The following FCRL5 variants were observed in gnomAD, a reference collection of about 807,000 sequenced individuals.
FCRL5 encodes the protein Fc receptor-like protein 5.
FCRL5 carries 79 observed loss-of-function variants against 92.1 expected under a neutral mutation model. The observed-to-expected ratio is 0.86, with a 90% CI of 0.72 to 1.03. The LOEUF is 1.03. Among genes scored for constraint, FCRL5 ranks in the 50% least tolerant of loss-of-function variants. The pLI, the probability that FCRL5 is intolerant of heterozygous loss-of-function variation, is 0.00. For synonymous variants in FCRL5, 466 were observed against 469.3 expected, an observed-to-expected ratio of 0.99 and a Z score of 0.09; for missense variants, 1,160 against 1,181.1, an observed-to-expected ratio of 0.98 and a Z score of 0.26.
Position 157,520,552 on chromosome 1 carries a change from G to A in FCRL5, c.2516-5C>T, listed in dbSNP as rs1448917785. ...CACTTCTGTTCGCGGTCAGCCCTGA[G>A]GGGGAGACCCTGTGTGTGAGCCAGA... On this transcript the variant is annotated splice_region_variant and splice_polypyrimidine_tract_variant and intron_variant, in intron 11 of 16. Transcript: ENST00000361835. The A allele has an allele frequency of 1.9e-6, 3 of 1,580,568 alleles. No individual in the cohort carries two copies. Among genetic ancestry groups the A allele is most frequent in the African/African-American group, 1.3e-5 (1 of 74,128 alleles).
intron 8 of FCRL5, among the ~76,000 whole-genome samples, chr1:157,529,910 C>T (rs1028870041): frequency 5.3e-5 from 8 of 152,106 alleles, no homozygotes; most frequent in Non-Finnish European, 1.0e-4. Context: ...GAAATTACTA[C>T]TAAAGAAGTT....
rs763282393 is a variant in FCRL5 at position 157,527,759 on chromosome 1, G to A, written c.1818C>T (p.Thr606=). Residue 606 remains threonine (T), a synonymous_variant, in exon 9 of 17, where the codon ACC becomes ACT. Coordinates refer to ENST00000361835, the MANE Select transcript of FCRL5 (RefSeq NM_031281.3). ...CAGAGGGGGCTGAGCTGCTCCCCAG[G>A]GTGACATCCTCATGATAAAACCAGT... The part of the protein sequence containing the change: ...ILYWFYHEDV[T]LGSSSAPSGG... 2.5e-6 allele frequency: 4 copies of A among 1,614,174 alleles called. No homozygotes were observed. The South Asian group carries it at 3.3e-5, about 13-fold the overall frequency.
chr1:157,545,522 GTTTTTTTTTT>G (rs754972248), intron 3 of FCRL5, among the ~76,000 whole-genome samples: 4 of 84,940 alleles, frequency 4.7e-5, no homozygotes, highest in South Asian at 4.4e-4. Context: ...TCTTTAATGA[GTTTTTTTTTT>G]TTTTTTTTTT....
intron 8 of FCRL5, chr1:157,528,442 T>C (rs1650539128): frequency 6.6e-6 from 1 of 151,978 alleles, no homozygotes; most frequent in East Asian, 1.9e-4. Context: ...CCATAATTCT[T>C]CACAGAACTA....
Position 157,520,480 on chromosome 1 carries a change from G to T in FCRL5, c.2583C>A (p.Gly861=), listed in dbSNP as rs182553175. Residue 861 remains glycine (G), a synonymous_variant, in exon 12 of 17, where the codon GGC becomes GGA. Coordinates refer to ENST00000361835, the MANE Select transcript of FCRL5 (RefSeq NM_031281.3). ...AGAGCAGCAGTGCCCCCGCAGCAAG[G>T]CCTGCTATGCTGAGCAGGCCCCCGG... ...GVAGGLLSIA[G]LAAGALLLYC... 5.7e-6 allele frequency: 9 copies of T among 1,575,016 alleles called. No homozygotes were observed. Among genetic ancestry groups the T allele is most frequent in the Admixed American group, 3.7e-5 (2 of 54,500 alleles).
intron 8 of FCRL5, chr1:157,534,392 T>A (rs1418043212): frequency 1.4e-6 from 1 of 719,598 alleles, no homozygotes; most frequent in Non-Finnish European, 2.6e-6. Context: ...AATAAATAAA[T>A]TCATTTGGTA....
chr1:157,524,592 C>T (rs1558129455), intron 9 of FCRL5, 35 bp from the exon 10 acceptor site: 1 of 1,535,642 alleles, frequency 6.5e-7, no homozygotes, highest in Non-Finnish European at 8.8e-7. Context: ...TCAGCTGCTT[C>T]TGCTAAAATA....
chr1:157,521,679 G>A (rs1427529240), intron 10 of FCRL5: 6 of 156,424 alleles, frequency 3.8e-5, no homozygotes, highest in African/African-American at 7.2e-5. Context: ...TATGCCCTTG[G>A]TGGTAATACA....
At chr1:157,535,578 C>T (rs1437633190) in intron 7 of FCRL5, among the ~76,000 whole-genome samples, 2 of 151,930 alleles carry the variant, frequency 1.3e-5, no homozygotes, top group African/African-American at 2.4e-5. Context: ...AGTTTTTACC[C>T]CCAATAATCT....
rs1172489135 is a variant in FCRL5 at position 157,527,771 on chromosome 1, A to C, written c.1806T>G (p.His602Gln). The stretch of plus-strand genomic sequence containing the variant: ...AGCTGCTCCCCAGGGTGACATCCTC[A>C]TGATAAAACCAGTACAGGATTGGGG... ...GSPPILYWFY[H>Q]EDVTLGSSSA... Residue 602 changes from histidine (H) to glutamine (Q), a missense_variant, in exon 9 of 17, where the codon CAT becomes CAG. By Grantham distance (24) the His-to-Gln change is conservative. Coordinates refer to ENST00000361835, the MANE Select transcript of FCRL5 (RefSeq NM_031281.3). 1.2e-6 allele frequency: 2 copies of C among 1,614,058 alleles called. No individual in the cohort carries two copies. The highest frequency in any genetic ancestry group is 2.7e-5 in the African/African-American group (2 of 74,944).
chr1:157,542,462 A>G, intron 6 of FCRL5: 1 of 168,046 alleles, frequency 6.0e-6, no homozygotes, highest in Non-Finnish European at 1.3e-5. Context: ...TGGTTTATTG[A>G]TTAATGTCTG....
chr1:157,529,825 A>G (rs536759358), intron 8 of FCRL5, among the ~76,000 whole-genome samples: 1 of 152,294 alleles, frequency 6.6e-6, no homozygotes, highest in South Asian at 2.1e-4. Context: ...GAAGAGTGAG[A>G]GTGGGGTGAT....
intron 3 of FCRL5, among the ~76,000 whole-genome samples, chr1:157,545,505 T>C (rs1414002635): frequency 2.0e-5 from 3 of 151,256 alleles, no homozygotes; most frequent in Non-Finnish European, 4.4e-5. Flanking sequence ...CTGGCAGTAA[T>C]GTAATTTCTT....
chr1:157,530,860 C>A (rs1650663202), intron 8 of FCRL5, among the ~76,000 whole-genome samples: 1 of 152,130 alleles, frequency 6.6e-6, no homozygotes, highest in South Asian at 2.1e-4. Context: ...CATGGAATTT[C>A]TGGGATGAAG....
chr1:157,540,600 C>T (rs1651217106), intron 6 of FCRL5, among the ~76,000 whole-genome samples: 1 of 151,730 alleles, frequency 6.6e-6, no homozygotes, highest in Non-Finnish European at 1.5e-5. Context: ...TCGGTTTCTC[C>T]GCCTTTCTGT....
chr1:157,538,599 G>C (rs1651089453), intron 7 of FCRL5, among the ~76,000 whole-genome samples: 1 of 152,182 alleles, frequency 6.6e-6, no homozygotes, highest in African/African-American at 2.4e-5. Context: ...CCTAAAAAAG[G>C]CTTGAGCAAG....
At chr1:157,544,083 T>C (rs866364797) in intron 5 of FCRL5, among the ~76,000 whole-genome samples, 179 bp downstream of exon 5, 1 of 152,236 alleles carries the variant, frequency 6.6e-6, no homozygotes, top group African/African-American at 2.4e-5. Flanking sequence ...TTCTTGGATT[T>C]TCCTGGGTCT....
At chr1:157,525,458 A>G (rs1275430332) in intron 9 of FCRL5, among the ~76,000 whole-genome samples, 4 of 152,244 alleles carry the variant, frequency 2.6e-5, no homozygotes, top group African/African-American at 9.6e-5. Context: ...TCTAGGCTGG[A>G]CTTCATAAGC....
chr1:157,539,387 C>G (rs764999812), intron 6 of FCRL5, 23 bp from the exon 7 acceptor site: 6 of 1,571,520 alleles, frequency 3.8e-6, no homozygotes, highest in East Asian at 2.3e-5. Context: ...AAAAATTAGT[C>G]AAGATTTGTT....
Sources: gnomAD v4.1 joint callset for allele counts (sites outside exome capture counted in the v4.1 genomes callset) on GRCh38, gnomAD v4.1.1 for gene constraint, MANE v1.5 for transcripts, NCBI Gene and HGNC (gene_info 2026-07-23, HGNC 2026-07-21) for gene names.